SRCIN1: variants seen among roughly 807,000 people sequenced by gnomAD.
SRCIN1 encodes SRC kinase signaling inhibitor 1, also known as P130Cas-associated protein.
A neutral mutation model predicts 116.2 loss-of-function variants in SRCIN1; 50 were observed. The ratio of observed to expected loss-of-function variants is 0.43; its 90% CI spans 0.34 to 0.54. SRCIN1 has a LOEUF of 0.54. SRCIN1 is among the 20% of genes least tolerant of loss of function. SRCIN1 has a pLI of 0.02. For missense variants in SRCIN1, 1,446 were observed against 1,672.0 expected (o/e 0.86, Z 2.36); for synonymous variants, 736 against 750.0 (o/e 0.98, Z 0.30).
chr17:38,530,732 G>A lies in SRCIN1; in HGVS notation c.*2565C>T, dbSNP rs2040909149. ...GTACGTGGCCCACACACAAGTCTCT[G>A]GCTCTCGGCATGTCTGCACACACAT... is the stretch of plus-strand genomic sequence containing the variant. On this transcript the variant is annotated 3_prime_UTR_variant, in exon 19 of 19. Coordinates refer to ENST00000617146, the MANE Select transcript of SRCIN1 (RefSeq NM_025248.3). 1 of 152,318 alleles carries A rather than the reference G, an allele frequency of 6.6e-6. No individual in the cohort carries two copies. The highest frequency in any genetic ancestry group is 6.5e-5 in the Admixed American group (1 of 15,286). 9.4% of individuals were successfully genotyped at this position (152,318 alleles called of 1,614,324 possible).
chr17:38,566,866 T>TTTCCTTCCTTCC (rs71138633), intron 3 of SRCIN1, among the ~76,000 whole-genome samples: 34,234 of 131,738 alleles, frequency 0.26, 4,986 homozygotes, highest in East Asian at 0.39. Context: ...TTTTGTTTCG[T>TTTCCTTCCTTCC]TTCCTTCCTT....
chr17:38,547,704 G>A, intron 17 of SRCIN1: 1 of 296,212 alleles, frequency 3.4e-6, no homozygotes, highest in Non-Finnish European at 6.6e-6. Flanking sequence ...AGGAGAGGAA[G>A]CTGTGGGGGC....
intron 2 of SRCIN1, among the ~76,000 whole-genome samples, chr17:38,573,237 G>A (rs1907212449): frequency 6.6e-6 from 1 of 152,174 alleles, no homozygotes; most frequent in South Asian, 2.1e-4. Context: ...TCTCCCCACC[G>A]GGGTCTTTGC....
chr17:38,578,283 AC>A (rs1907542351), intron 2 of SRCIN1, among the ~76,000 whole-genome samples: 2 of 151,788 alleles, frequency 1.3e-5, no homozygotes, highest in South Asian at 4.2e-4. Context: ...CCAAGCCCCC[AC>A]CCCCTTCCTC....
chr17:38,533,445 AG>A lies in SRCIN1; in HGVS notation c.3418-15del, dbSNP rs1357086947. ...TGGTTTAGTGGCCTGGAACAAAAAC[AG>A]GGGTCAGGGGTCAGAGAGCGGAAGG... is the stretch of plus-strand genomic sequence containing the variant. On this transcript the variant is annotated splice_polypyrimidine_tract_variant and intron_variant, in intron 18 of 18. Transcript: ENST00000617146. The A allele has an allele frequency of 1.2e-6, 2 of 1,611,126 alleles. No homozygotes were observed. Among genetic ancestry groups the A allele is most frequent in the Admixed American group, 3.4e-5 (2 of 59,664 alleles).
At chr17:38,590,434 C>T (rs1230789385) in intron 1 of SRCIN1, among the ~76,000 whole-genome samples, 1 of 152,218 alleles carries the variant, frequency 6.6e-6, no homozygotes, top group East Asian at 1.9e-4. Context: ...CAAGGTTTTG[C>T]TGTGTTGGCC....
At chr17:38,570,136 C>T (rs1245479176) in intron 2 of SRCIN1, among the ~76,000 whole-genome samples, 1 of 152,186 alleles carries the variant, frequency 6.6e-6, no homozygotes, top group Admixed American at 6.5e-5. Flanking sequence ...TCCACAGACA[C>T]ACCCAGAGCG....
chr17:38,551,817 T>C (rs758692820), intron 14 of SRCIN1, 69 bp downstream of exon 14: 1 of 1,605,298 alleles, frequency 6.2e-7, no homozygotes, highest in Non-Finnish European at 8.5e-7. Context: ...CTCCCCACTC[T>C]AGGAAGGATG....
Position 38,563,213 on chromosome 17 carries a change from A to C in SRCIN1, c.740+110T>G. On this transcript the variant is annotated intron_variant, in intron 5 of 18. Transcript: ENST00000617146. This position sits in a 1 kb window ranked among gnomAD's most constrained non-coding sequence, Gnocchi z 5.8. ...GGTAGGGCTCTGGGAGGGGAGGGGA[A>C]AGGCTGAGGTCGGGTCAGGAAGGAG... 7.9e-7 allele frequency: 1 copy of C among 1,267,556 alleles called. No individual in the cohort carries two copies. The highest frequency in any genetic ancestry group is 1.1e-6 in the Non-Finnish European group (1 of 916,458). The allele number at this position is 1,267,556 out of a possible 1,614,324, so 78.5% of individuals were successfully genotyped here.
chr17:38,560,576 G>C (rs1212496401), intron 7 of SRCIN1, among the ~76,000 whole-genome samples, 151 bp from the exon 8 acceptor site: 1 of 152,128 alleles, frequency 6.6e-6, no homozygotes, highest in African/African-American at 2.4e-5. Context: ...AATGCCTAAG[G>C]ATCAAGCCCA....
rs79154508 is a variant in SRCIN1 at position 38,533,095 on chromosome 17, T to TAAAAAAAA, written c.*194_*201dup. 3 of 260,654 alleles carry TAAAAAAAA rather than the reference T, an allele frequency of 1.2e-5. No individual in the cohort carries two copies. The highest frequency in any genetic ancestry group is 3.0e-5 in the African/African-American group (1 of 33,488). 16.1% of individuals were successfully genotyped at this position (260,654 alleles called of 1,614,324 possible). On this transcript the variant is annotated 3_prime_UTR_variant, in exon 19 of 19. Coordinates refer to ENST00000617146, the MANE Select transcript of SRCIN1 (RefSeq NM_025248.3). ...AAAAAGATAATTAAAAGTTAATTGT[T>TAAAAAAAA]AAAAAAAAAAAAAAAAACAAAACCA...
chr17:38,573,680 G>A (rs115427993), intron 2 of SRCIN1, among the ~76,000 whole-genome samples: 2,085 of 152,296 alleles, frequency 0.014, 55 homozygotes, highest in African/African-American at 0.047. Flanking sequence ...ATCTGGGGAG[G>A]ACCTCTGGGC....
rs1237897793 is a variant in SRCIN1 at position 38,545,830 on chromosome 17, G to A, written c.3271-1861C>T. Among the ~76,000 whole-genome samples, 8 of 152,330 alleles carry A rather than the reference G, an allele frequency of 5.3e-5. 1 individual carries two copies. In the South Asian group the frequency reaches 1.4e-3, roughly 28 times the overall value. On this transcript the variant is annotated intron_variant, in intron 17 of 18. Coordinates refer to ENST00000617146, the MANE Select transcript of SRCIN1 (RefSeq NM_025248.3). ...GGCCGGTGGAGGATGAAGTGAGCTC[G>A]CTGGGCATGTTGTGAGTGCTTCATA...
rs945766935 is a variant in SRCIN1, at chr17:38,531,983, C to T, written c.*1314G>A. ...TCTCCCTACCGGCTCCTCACTGTGCCCTCTGGGGGGCCAGGAGTGAGAACC... is the reference window on the plus strand; with the variant it reads ...TCTCCCTACCGGCTCCTCACTGTGCTCTCTGGGGGGCCAGGAGTGAGAACC... On this transcript the variant is annotated 3_prime_UTR_variant, in exon 19 of 19. Coordinates refer to ENST00000617146, the MANE Select transcript of SRCIN1 (RefSeq NM_025248.3). 6.6e-6 allele frequency: 1 copy of T among 152,658 alleles called. No individual in the cohort carries two copies. Among genetic ancestry groups the T allele is most frequent in the African/African-American group, 2.4e-5 (1 of 41,476 alleles). The allele number at this position is 152,658 out of a possible 1,614,324, so 9.5% of individuals were successfully genotyped here.
rs2143157822 is a variant in SRCIN1 at position 38,558,699 on chromosome 17, C to T, written c.2026-297G>A. The stretch of plus-strand genomic sequence containing the variant: ...AATGGGCCATGCAAAGGGGGAGCTG[C>T]ATGGCTGTGGCCGCGAGCAGGGGTG... On this transcript the variant is annotated intron_variant, in intron 10 of 18. Transcript: ENST00000617146. This position sits in a 1 kb window ranked among gnomAD's most constrained non-coding sequence, Gnocchi z 4.6. Among the ~76,000 whole-genome samples the T allele has an allele frequency of 6.6e-6, 1 of 152,002 alleles. No homozygotes were observed. Among genetic ancestry groups the T allele is most frequent in the South Asian group, 2.1e-4 (1 of 4,804 alleles).
rs1290407124 is a variant in SRCIN1, at chr17:38,587,923, C to A, written c.23-9132G>T. 3.3e-5 allele frequency among the ~76,000 whole-genome samples: 5 copies of A among 151,336 alleles called. No homozygotes were observed. The East Asian group carries it at 9.6e-4, about 29-fold the overall frequency. ...TTCCAGATATACAACCCTCTTTCTT[C>A]CCCCTGCCCCTCCTCTTTCACACAC... is the stretch of plus-strand genomic sequence containing the variant. On this transcript the variant is annotated intron_variant, in intron 1 of 18. Transcript: ENST00000617146.
At chr17:38,574,952 G>A in intron 2 of SRCIN1, 1 of 401,162 alleles carries the variant, frequency 2.5e-6, no homozygotes, top group Non-Finnish European at 4.4e-6. Context: ...GAGGCATACG[G>A]GGTCCACGGT....
intron 1 of SRCIN1, among the ~76,000 whole-genome samples, chr17:38,587,735 CG>C (rs1044741291): frequency 6.6e-6 from 1 of 152,118 alleles, no homozygotes; most frequent in African/African-American, 2.4e-5. Context: ...CGCAGCAGCC[CG>C]GCCGACAGGG....
intron 11 of SRCIN1, among the ~76,000 whole-genome samples, chr17:38,554,793 T>C (rs931675566): frequency 6.6e-6 from 1 of 152,238 alleles, no homozygotes; most frequent in African/African-American, 2.4e-5. Context: ...GTCGCTGACA[T>C]CCCTGACTCA....
Sources: allele counts gnomAD v4.1 joint callset (sites outside exome capture counted in the v4.1 genomes callset), GRCh38; gene constraint gnomAD v4.1.1; non-coding constraint Gnocchi (gnomAD v3.1); transcripts MANE v1.5; gene names NCBI Gene and HGNC (gene_info 2026-07-23, HGNC 2026-07-21).